Variants in SLAIN2 observed in about 807,000 individuals in gnomAD.
The protein encoded by SLAIN2 is SLAIN motif-containing protein 2.
SLAIN2 carries 31 observed loss-of-function variants against 56.6 expected under a neutral mutation model. The observed-to-expected ratio is 0.55, with a 90% CI of 0.41 to 0.74. SLAIN2 has a LOEUF of 0.74. Ranked by LOEUF, SLAIN2 falls within the 30% of genes least tolerant of loss-of-function variation. The probability of loss-of-function intolerance (pLI) is 0.00; values close to 1 mark genes in which losing one functional copy is unlikely to be tolerated. For synonymous variants in SLAIN2, 317 were observed against 284.9 expected (o/e 1.11, Z -1.13); for missense variants, 777 against 754.2 (o/e 1.03, Z -0.35).
Position 48,374,494 on chromosome 4 carries a change from C to T in SLAIN2, c.539-3402C>T, listed in dbSNP as rs539518975. Among the ~76,000 whole-genome samples, 9 of 152,248 alleles carry T rather than the reference C, an allele frequency of 5.9e-5. No homozygotes were observed. The East Asian group carries it at 1.7e-3, about 29-fold the overall frequency. ...AGCTCAAGTGATCCACCTGCCTTGG[C>T]CTCCCAAAGTGCTAGGATTAAAGGT... On this transcript the variant is annotated intron_variant, in intron 2 of 7. Transcript: ENST00000264313.
intron 6 of SLAIN2, among the ~76,000 whole-genome samples, chr4:48,397,183 A>G (rs1250767255): frequency 6.6e-6 from 1 of 152,174 alleles, no homozygotes; most frequent in Non-Finnish European, 1.5e-5. Flanking sequence ...CTAATTAGAC[A>G]AAGTGAATGC....
intron 6 of SLAIN2, among the ~76,000 whole-genome samples, chr4:48,414,316 G>C (rs1313777840): frequency 6.6e-6 from 1 of 152,134 alleles, no homozygotes; most frequent in African/African-American, 2.4e-5. Flanking sequence ...TGTTCTGAGT[G>C]GCATTGTTGA....
intron 2 of SLAIN2, 129 bp downstream of exon 2, chr4:48,370,126 C>A: frequency 1.1e-6 from 1 of 884,300 alleles, no homozygotes; most frequent in Non-Finnish European, 1.7e-6. Context: ...TTCATATCAT[C>A]ATGAGAGTTT....
rs148799644 is a variant in SLAIN2, at chr4:48,421,095, A to C, written c.1679+652A>C. ...CGGTGGTGCAATCTTGGCTCACTGCAGCCTTGACCTCCCAGGCTCAAGCAA... is the reference window on the plus strand; with the variant it reads ...CGGTGGTGCAATCTTGGCTCACTGCCGCCTTGACCTCCCAGGCTCAAGCAA... On this transcript the variant is annotated intron_variant, in intron 7 of 7. Transcript: ENST00000264313. Among the ~76,000 whole-genome samples, 1,453 of 152,170 alleles carry C rather than the reference A, an allele frequency of 9.5e-3. 20 individuals are homozygous for C. Among genetic ancestry groups the C allele is most frequent in the African/African-American group, 0.033 (1,380 of 41,508 alleles).
chr4:48,421,284 G>C (rs982725682), intron 7 of SLAIN2, among the ~76,000 whole-genome samples: 2 of 152,132 alleles, frequency 1.3e-5, no homozygotes, highest in African/African-American at 4.8e-5. Flanking sequence ...TGGGATTACA[G>C]TTGCTGGTTT....
In SLAIN2 at chr4:48,341,937, C is replaced by T. The variant is rs772043047; in HGVS notation, c.198C>T (p.Gly66=). 5 of 1,499,360 alleles carry T rather than the reference C, an allele frequency of 3.3e-6. No individual in the cohort carries two copies. In the South Asian group the frequency reaches 6.4e-5, roughly 19 times the overall value. 92.9% of individuals were successfully genotyped at this position (1,499,360 alleles called of 1,614,324 possible). Reference sequence around the variant, plus strand: ...CCTCCGGCGCGGCGTCTCCTCGGGGCTTCCCCTTGGGCCTCAGCGCCAAGT... The same window carrying T: ...CCTCCGGCGCGGCGTCTCCTCGGGGTTTCCCCTTGGGCCTCAGCGCCAAGT... The part of the protein sequence containing the change: ...IPSSGAASPR[G]FPLGLSAKSG... The change falls in exon 1 of 8, where the codon GGC becomes GGT. Residue 66 remains glycine (G), a synonymous_variant. Transcript: ENST00000264313.
rs1717293897 is a variant in SLAIN2, at chr4:48,426,197, A to G, written c.*4120A>G. ...TCTTTTAAATAAATGTTTCTTATGT[A>G]AAAATGTTGACATGAGTTTGCTTTT... On this transcript the variant is annotated 3_prime_UTR_variant, in exon 8 of 8. Transcript: ENST00000264313. 1 of 152,000 alleles carries G rather than the reference A, an allele frequency of 6.6e-6. No homozygotes were observed. Among genetic ancestry groups the G allele is most frequent in the African/African-American group, 2.4e-5 (1 of 41,402 alleles). The allele number at this position is 152,000 out of a possible 1,614,324, so 9.4% of individuals were successfully genotyped here.
At chr4:48,357,606 A>G (rs1252242418) in intron 1 of SLAIN2, among the ~76,000 whole-genome samples, 5 of 151,958 alleles carry the variant, frequency 3.3e-5, no homozygotes, top group Admixed American at 1.3e-4. Context: ...CTGGAGTGCA[A>G]TGGCATGATT....
In SLAIN2 at chr4:48,342,085, G is replaced by C; in HGVS notation, c.346G>C (p.Glu116Gln). ...LDEVEPLRPD[E>Q]LERLSGWEEE... The stretch of plus-strand genomic sequence containing the variant: ...CGAGGTGGAGCCGCTGCGGCCCGAC[G>C]AGCTGGAGCGCCTGTCAGGCTGGGA... The change falls in exon 1 of 8, where the codon GAG becomes CAG. Residue 116 changes from glutamate (E) to glutamine (Q), a missense_variant. By Grantham distance (29) the Glu-to-Gln change is conservative. Transcript: ENST00000264313. The C allele has an allele frequency of 7.3e-7, 1 of 1,367,214 alleles. No individual in the cohort carries two copies. Among genetic ancestry groups the C allele is most frequent in the Non-Finnish European group, 9.4e-7 (1 of 1,067,406 alleles). 84.7% of individuals were successfully genotyped at this position (1,367,214 alleles called of 1,614,324 possible).
intron 6 of SLAIN2, chr4:48,394,583 A>G: frequency 6.5e-7 from 1 of 1,535,878 alleles, no homozygotes; most frequent in Non-Finnish European, 8.7e-7. Flanking sequence ...CAGCTTCGCA[A>G]AGGCTGAAAA....
intron 1 of SLAIN2, among the ~76,000 whole-genome samples, chr4:48,350,555 T>C (rs1714984084): frequency 6.6e-6 from 1 of 152,216 alleles, no homozygotes; most frequent in South Asian, 2.1e-4. Context: ...ATGTGACTCC[T>C]GTTGGGCTAA....
At chr4:48,419,017 T>A (rs1717074721) in intron 6 of SLAIN2, among the ~76,000 whole-genome samples, 1 of 152,236 alleles carries the variant, frequency 6.6e-6, no homozygotes, top group Non-Finnish European at 1.5e-5. Context: ...TATCCATTCA[T>A]GTGTTGATGG....
chr4:48,351,053 C>T (rs1256143883), intron 1 of SLAIN2, among the ~76,000 whole-genome samples: 1 of 152,136 alleles, frequency 6.6e-6, no homozygotes, highest in African/African-American at 2.4e-5. Flanking sequence ...TGAAACTCCT[C>T]CCCCACACAT....
Position 48,382,891 on chromosome 4 carries a change from C to T in SLAIN2, c.1186C>T (p.Pro396Ser), listed in dbSNP as rs1176152106. The stretch of plus-strand genomic sequence containing the variant: ...ACCTCGCCTTTCACTTCAAGGCCAT[C>T]CCACAGATTTACAGACAAGCAATGT... ...QQPRLSLQGH[P>S]TDLQTSNVKN... The change falls in exon 5 of 8, where the codon CCC (proline) becomes TCC (serine). Residue 396 changes from proline to serine, a missense_variant. Transcript: ENST00000264313. 2.5e-6 allele frequency: 4 copies of T among 1,611,794 alleles called. No homozygotes were observed. The highest frequency in any genetic ancestry group is 3.4e-6 in the Non-Finnish European group (4 of 1,178,770).
chr4:48,383,046 T>TAG (rs1474485414), intron 5 of SLAIN2, 119 bp downstream of exon 5: 1 of 1,067,258 alleles, frequency 9.4e-7, no homozygotes, highest in Non-Finnish European at 1.3e-6. Context: ...TGCACATCTA[T>TAG]AGTCCTAGTG....
chr4:48,417,751 A>T (rs1717032166), intron 6 of SLAIN2, among the ~76,000 whole-genome samples: 1 of 147,422 alleles, frequency 6.8e-6, no homozygotes, highest in African/African-American at 2.5e-5. Flanking sequence ...GACAAAAACC[A>T]CATGATTATC....
At chr4:48,346,218 C>G (rs1393456971) in intron 1 of SLAIN2, among the ~76,000 whole-genome samples, 1 of 152,096 alleles carries the variant, frequency 6.6e-6, no homozygotes, top group Non-Finnish European at 1.5e-5. Flanking sequence ...TCAGTTTGGT[C>G]TGGACTTTCT....
At position 48,397,925 on chromosome 4, in the gene SLAIN2, T is replaced by C. The variant is rs190903728; in HGVS notation, c.1360+14141T>C. Among the ~76,000 whole-genome samples the C allele has an allele frequency of 5.9e-5, 9 of 152,356 alleles. No individual in the cohort carries two copies. The East Asian group carries it at 1.5e-3, about 26-fold the overall frequency. On this transcript the variant is annotated intron_variant, in intron 6 of 7. Transcript: ENST00000264313. ...TGCCATTGATGGGTATTTGGGTTGATTGCATGTCTTTGCTGTTGTGAATAG... is the reference window on the plus strand; with the variant it reads ...TGCCATTGATGGGTATTTGGGTTGACTGCATGTCTTTGCTGTTGTGAATAG...
At chr4:48,354,005 G>A (rs1030425752) in intron 1 of SLAIN2, among the ~76,000 whole-genome samples, 11 of 152,194 alleles carry the variant, frequency 7.2e-5, no homozygotes, top group Non-Finnish European at 1.5e-4. Context: ...GGTTTTTGGG[G>A]GGATGTCCGT....
Sources: gnomAD v4.1 joint callset for allele counts (sites outside exome capture counted in the v4.1 genomes callset) on GRCh38, gnomAD v4.1.1 for gene constraint, MANE v1.5 for transcripts, NCBI Gene and HGNC (gene_info 2026-07-23, HGNC 2026-07-21) for gene names.